NELL2: variants seen among roughly 807,000 people sequenced by gnomAD.
The protein encoded by NELL2 is neural EGFL like 2.
Under a neutral mutation model 109.6 loss-of-function variants are expected in NELL2, and 41 were observed. The ratio of observed to expected loss-of-function variants is 0.37; its 90% CI spans 0.29 to 0.49. The LOEUF (loss-of-function observed/expected upper bound fraction) is 0.49, where lower values mean the gene tolerates loss of function less well. Ranked by LOEUF, NELL2 falls within the 20% of genes least tolerant of loss-of-function variation. The pLI is 0.98. For synonymous variants in NELL2, 355 were observed against 344.7 expected (o/e 1.03, Z -0.33); for missense variants, 900 against 1,008.3 (o/e 0.89, Z 1.45).
At chr12:44,531,115 A>G (rs934946945) in intron 16 of NELL2, among the ~76,000 whole-genome samples, 1 of 152,226 alleles carries the variant, frequency 6.6e-6, no homozygotes, top group Non-Finnish European at 1.5e-5. Flanking sequence ...AAAAGTGTGC[A>G]AGGATACTAA....
chr12:44,692,091 T>A (rs555325170), intron 12 of NELL2, among the ~76,000 whole-genome samples: 1 of 152,146 alleles, frequency 6.6e-6, no homozygotes, highest in African/African-American at 2.4e-5. Context: ...CTTTTACAGC[T>A]AGAGAGACAG....
intron 3 of NELL2, among the ~76,000 whole-genome samples, chr12:44,807,138 A>C (rs1445519301): frequency 3.3e-5 from 5 of 151,760 alleles, no homozygotes; most frequent in Non-Finnish European, 5.9e-5. Flanking sequence ...CAAATAATAA[A>C]CACATATAAA....
chr12:44,748,855 T>C (rs975727193), intron 9 of NELL2, among the ~76,000 whole-genome samples: 1 of 152,144 alleles, frequency 6.6e-6, no homozygotes, highest in Non-Finnish European at 1.5e-5. Context: ...TGTTAATGAC[T>C]AGCAAAGAGA....
Position 44,603,501 on chromosome 12 carries a change from G to C in NELL2, c.1663+3668C>G, listed in dbSNP as rs565071145. 2.0e-5 allele frequency among the ~76,000 whole-genome samples: 3 copies of C among 152,216 alleles called. No individual in the cohort carries two copies. The South Asian group carries it at 6.2e-4, about 32-fold the overall frequency. On this transcript the variant is annotated intron_variant, in intron 15 of 19. Coordinates refer to ENST00000429094, the MANE Select transcript of NELL2 (RefSeq NM_001145108.2). The stretch of plus-strand genomic sequence containing the variant: ...ATAAATACAATATGGCAGTGATAAA[G>C]CTGTAAACCTTGGCACATAGCTTCA...
upstream of NELL2, among the ~76,000 whole-genome samples, chr12:44,918,948 C>T (rs1007211080): frequency 6.6e-6 from 1 of 152,000 alleles, no homozygotes. Flanking sequence ...ATCACATGAC[C>T]CTGAAAGTAC....
intron 15 of NELL2, among the ~76,000 whole-genome samples, chr12:44,587,591 T>C (rs1326899319): frequency 6.6e-6 from 1 of 152,106 alleles, no homozygotes; most frequent in Admixed American, 6.5e-5. Flanking sequence ...AAAGAACTTC[T>C]GGAGTCAAAT....
intron 13 of NELL2, among the ~76,000 whole-genome samples, chr12:44,650,765 T>A (rs1438983443): frequency 7.5e-6 from 1 of 132,836 alleles, no homozygotes; most frequent in Non-Finnish European, 1.5e-5. Context: ...CTTTCTTTCT[T>A]TCTTTCTTTC....
chr12:44,809,237 T>C (rs1943096585), intron 3 of NELL2, among the ~76,000 whole-genome samples: 1 of 152,100 alleles, frequency 6.6e-6, no homozygotes, highest in African/African-American at 2.4e-5. Context: ...TTTGGAATTT[T>C]CAATAAATTT....
chr12:44,549,939 A>T (rs1232759372), intron 15 of NELL2, among the ~76,000 whole-genome samples: 1 of 152,194 alleles, frequency 6.6e-6, no homozygotes, highest in African/African-American at 2.4e-5. Context: ...TAGCCAAAGA[A>T]GTTTTAAATA....
intron 2 of NELL2, among the ~76,000 whole-genome samples, chr12:44,848,599 G>C (rs1056536636): frequency 6.6e-6 from 1 of 151,954 alleles, no homozygotes; most frequent in Non-Finnish European, 1.5e-5. Context: ...AAGATCTCAA[G>C]TCTTTGTTTT....
chr12:44,549,716 C>T (rs1942951947), intron 15 of NELL2, among the ~76,000 whole-genome samples: 1 of 151,894 alleles, frequency 6.6e-6, no homozygotes, highest in Non-Finnish European at 1.5e-5. Flanking sequence ...ACACTAAAAA[C>T]TATAAAACAT....
intron 19 of NELL2, among the ~76,000 whole-genome samples, chr12:44,517,755 C>T (rs1222504885): frequency 6.6e-6 from 1 of 152,046 alleles, no homozygotes; most frequent in East Asian, 1.9e-4. Flanking sequence ...AGATAATAAG[C>T]TGATAGAGAA....
At chr12:44,597,473 T>C (rs1945013310) in intron 15 of NELL2, among the ~76,000 whole-genome samples, 1 of 152,216 alleles carries the variant, frequency 6.6e-6, no homozygotes, top group Non-Finnish European at 1.5e-5. Flanking sequence ...ATAGACCCTG[T>C]TTCTTTTAAT....
chr12:44,572,151 G>A (rs1250781546), intron 15 of NELL2, among the ~76,000 whole-genome samples: 4 of 151,256 alleles, frequency 2.6e-5, no homozygotes, highest in African/African-American at 9.7e-5. Flanking sequence ...TTATTTATTT[G>A]TTTATTTTTA....
At chr12:44,740,254 G>A (rs758968074) in intron 9 of NELL2, among the ~76,000 whole-genome samples, 1 of 152,092 alleles carries the variant, frequency 6.6e-6, no homozygotes, top group African/African-American at 2.4e-5. Flanking sequence ...GTACAGATAC[G>A]TACAGTATAT....
intron 12 of NELL2, among the ~76,000 whole-genome samples, chr12:44,666,677 CTATT>C (rs1313277990): frequency 1.3e-5 from 2 of 152,278 alleles, no homozygotes; most frequent in African/African-American, 4.8e-5. Context: ...TCTGAGCTAA[CTATT>C]TATTTTATAG....
intron 15 of NELL2, among the ~76,000 whole-genome samples, chr12:44,567,063 G>C (rs546398848): frequency 6.6e-6 from 1 of 152,224 alleles, no homozygotes; most frequent in Non-Finnish European, 1.5e-5. Flanking sequence ...ACCTGCCTTG[G>C]CATCCCAAAA....
chr12:44,765,778 T>C (rs1941305903), intron 9 of NELL2, among the ~76,000 whole-genome samples: 1 of 152,200 alleles, frequency 6.6e-6, no homozygotes, highest in Non-Finnish European at 1.5e-5. Flanking sequence ...AGGTTTTGCA[T>C]AAAAGAAAAT....
chr12:44,874,650 T>C (rs1206044794), intron 2 of NELL2, among the ~76,000 whole-genome samples: 1 of 152,226 alleles, frequency 6.6e-6, no homozygotes, highest in African/African-American at 2.4e-5. Flanking sequence ...AAAATACTTT[T>C]GAGACCATTA....
Sources: allele counts gnomAD v4.1 joint callset (sites outside exome capture counted in the v4.1 genomes callset), GRCh38; gene constraint gnomAD v4.1.1; transcripts MANE v1.5; gene names NCBI Gene and HGNC (gene_info 2026-07-23, HGNC 2026-07-21).